CIMAP2: variants seen among roughly 807,000 people sequenced by gnomAD.
CIMAP2 encodes ciliary microtubule associated protein 2.
At chr1:54,832,920 G>C in the CIMAP2 span, among the ~76,000 whole-genome samples, 2 of 152,064 alleles carry the variant, frequency 1.3e-5, no homozygotes, top group Admixed American at 6.6e-5. Flanking sequence ...CCAGCTACTT[G>C]GGAGGCTGAG....
chr1:54,812,048 G>T, the CIMAP2 span: 1 of 1,614,192 alleles, frequency 6.2e-7, no homozygotes, highest in Admixed American at 1.7e-5. Flanking sequence ...TGCTCTAGGG[G>T]AGTGGTCTGG....
chr1:54,826,450 C>T, the CIMAP2 span, among the ~76,000 whole-genome samples: 1 of 152,070 alleles, frequency 6.6e-6, no homozygotes, highest in Non-Finnish European at 1.5e-5. Context: ...TCAGCAGGGC[C>T]CCAGGGATTT....
At chr1:54,815,107 CTT>C in the CIMAP2 span, 2 of 1,590,044 alleles carry the variant, frequency 1.3e-6, no homozygotes. Flanking sequence ...ACCAAAGCCT[CTT>C]TGTCCCCAGG....
chr1:54,814,713 G>A, the CIMAP2 span, among the ~76,000 whole-genome samples: 1 of 152,238 alleles, frequency 6.6e-6, no homozygotes, highest in South Asian at 2.1e-4. Flanking sequence ...ATCAGGCTGT[G>A]ATGGGTGTTT....
the CIMAP2 span, among the ~76,000 whole-genome samples, chr1:54,823,555 CACTT>C: frequency 2.6e-5 from 4 of 152,202 alleles, no homozygotes; most frequent in African/African-American, 7.2e-5. Flanking sequence ...AAATTTAAAA[CACTT>C]ACATTCAAAG....
chr1:54,810,759 C>G, the CIMAP2 span, among the ~76,000 whole-genome samples: 4 of 152,228 alleles, frequency 2.6e-5, no homozygotes, highest in Non-Finnish European at 5.9e-5. Flanking sequence ...CTGACCCTGG[C>G]AGCCCAGGTC....
the CIMAP2 span, chr1:54,813,789 A>T: frequency 6.3e-7 from 1 of 1,579,630 alleles, no homozygotes; most frequent in Non-Finnish European, 8.6e-7. Context: ...GGCATAGCAG[A>T]TTCCTTTTTC....
At chr1:54,826,856 C>A in the CIMAP2 span, among the ~76,000 whole-genome samples, 1 of 152,234 alleles carries the variant, frequency 6.6e-6, no homozygotes, top group Non-Finnish European at 1.5e-5. Context: ...TTGCTACATT[C>A]AACGTGTGGT....
At chr1:54,824,808 C>T in the CIMAP2 span, among the ~76,000 whole-genome samples, 2 of 151,660 alleles carry the variant, frequency 1.3e-5, no homozygotes, top group Non-Finnish European at 2.9e-5. Flanking sequence ...TAATTTTTAT[C>T]TGTTTTCTCT....
the CIMAP2 span, chr1:54,811,907 C>T: frequency 6.2e-7 from 1 of 1,614,018 alleles, no homozygotes; most frequent in Non-Finnish European, 8.5e-7. Flanking sequence ...GGATGAGCAA[C>T]AAGCCACACC....
chr1:54,811,789 C>CCCCCCAA, the CIMAP2 span: 4 of 1,588,830 alleles, frequency 2.5e-6, no homozygotes, highest in South Asian at 3.3e-5. Flanking sequence ...ACCCCCGCCC[C>CCCCCCAA]ACAGAACTAC....
At chr1:54,813,889 G>A in the CIMAP2 span, 2 of 1,613,756 alleles carry the variant, frequency 1.2e-6, no homozygotes, top group Middle Eastern at 1.6e-4. Flanking sequence ...TAAGAAGCAT[G>A]GGGTTTTTTC....
the CIMAP2 span, among the ~76,000 whole-genome samples, chr1:54,813,027 A>G: frequency 6.6e-6 from 1 of 151,578 alleles, no homozygotes; most frequent in African/African-American, 2.4e-5. Context: ...AGCCCCCCAG[A>G]CCTCCCCATG....
the CIMAP2 span, among the ~76,000 whole-genome samples, chr1:54,808,619 G>GGGGGGGC: frequency 4.9e-5 from 6 of 123,236 alleles, 1 homozygote; most frequent in Admixed American, 3.1e-4. Context: ...TGCCGGGGGA[G>GGGGGGGC]GGCAGTGGAG....
the CIMAP2 span, among the ~76,000 whole-genome samples, chr1:54,835,203 T>A: frequency 1.1e-4 from 16 of 151,414 alleles, no homozygotes; most frequent in African/African-American, 3.9e-4. Flanking sequence ...TTGTTTTTTG[T>A]TTTTTTGAGA....
the CIMAP2 span, chr1:54,807,997 C>G: frequency 1.3e-6 from 2 of 1,578,966 alleles, no homozygotes; most frequent in South Asian, 1.2e-5. Context: ...GGTTCGCTTC[C>G]GAGGACTCAC....
At chr1:54,834,578 G>T in the CIMAP2 span, among the ~76,000 whole-genome samples, 2 of 152,120 alleles carry the variant, frequency 1.3e-5, no homozygotes, top group African/African-American at 4.8e-5. Context: ...AAATGCTTAA[G>T]ATTAGAATTG....
At chr1:54,811,764 A>AGCGGGGGGGGGGGGGGG in the CIMAP2 span, 1 of 1,097,914 alleles carries the variant, frequency 9.1e-7, no homozygotes, top group Non-Finnish European at 1.3e-6. Flanking sequence ...TGGTTCTGAC[A>AGCGGGGGGGGGGGGGGG]GCCTCCATGC....
chr1:54,815,069 GGAAC>G, the CIMAP2 span: 1 of 1,612,106 alleles, frequency 6.2e-7, no homozygotes, highest in Non-Finnish European at 8.5e-7. Context: ...GGGATACATG[GGAAC>G]TCTCTCCTGC....
Sources: gnomAD v4.1 joint callset for allele counts (sites outside exome capture counted in the v4.1 genomes callset) on GRCh38, gnomAD v4.1.1 for gene constraint, MANE v1.5 for transcripts, NCBI Gene and HGNC (gene_info 2026-07-23, HGNC 2026-07-21) for gene names.